The following KLHL1 variants were observed in gnomAD, a reference collection of about 807,000 sequenced individuals.
KLHL1 encodes kelch like family member 1, also known as kelch-like protein 1.
A neutral mutation model predicts 77.7 loss-of-function variants in KLHL1; 47 were observed. The ratio of observed to expected loss-of-function variants is 0.60; its 90% CI spans 0.48 to 0.77. The LOEUF is 0.77. Among genes scored for constraint, KLHL1 ranks in the 30% least tolerant of loss-of-function variants. The pLI, the probability that KLHL1 is intolerant of heterozygous loss-of-function variation, is 0.00. For missense variants in KLHL1, 925 were observed against 910.8 expected (o/e 1.02, Z -0.20); for synonymous variants, 360 against 325.2 (o/e 1.11, Z -1.15).
Position 69,740,487 on chromosome 13 carries a change from A to T in KLHL1, c.1709T>A (p.Val570Glu). The T allele has an allele frequency of 6.2e-7, 1 of 1,613,036 alleles. No homozygotes were observed. The highest frequency in any genetic ancestry group is 8.5e-7 in the Non-Finnish European group (1 of 1,179,262). Residue 570 changes from valine (V) to glutamate (E), a missense_variant, in exon 8 of 11, where the codon GTG becomes GAG. Transcript: ENST00000377844. Reference sequence around the variant, plus strand: ...TTGACTCTGTGGATCCCACCTTTCCACTGTATTCAGATAGCTCCAGCCATC... The same window carrying T: ...TTGACTCTGTGGATCCCACCTTTCCTCTGTATTCAGATAGCTCCAGCCATC... ...GHDGWSYLNTVERWDPQSQQW... is the reference protein window; with the variant it reads ...GHDGWSYLNTEERWDPQSQQW...
chr13:69,758,363 A>C (rs1197002424), intron 7 of KLHL1, among the ~76,000 whole-genome samples: 1 of 152,128 alleles, frequency 6.6e-6, no homozygotes, highest in Non-Finnish European at 1.5e-5. Flanking sequence ...TAAACCTTTT[A>C]TAAGTTCTTA....
At chr13:69,746,384 T>G (rs1379431890) in intron 7 of KLHL1, among the ~76,000 whole-genome samples, 1 of 151,956 alleles carries the variant, frequency 6.6e-6, no homozygotes, top group Non-Finnish European at 1.5e-5. Context: ...AATATTTCCT[T>G]TTATTTAGTA....
At chr13:69,763,657 C>G (rs1875127069) in intron 7 of KLHL1, among the ~76,000 whole-genome samples, 1 of 152,206 alleles carries the variant, frequency 6.6e-6, no homozygotes, top group African/African-American at 2.4e-5. Flanking sequence ...GTCACACTCT[C>G]ACCTAGGTGA....
At chr13:70,087,891 G>A (rs971292449) in intron 1 of KLHL1, among the ~76,000 whole-genome samples, 1 of 152,064 alleles carries the variant, frequency 6.6e-6, no homozygotes, top group Non-Finnish European at 1.5e-5. Context: ...GACAGAGAGG[G>A]GAACAACACA....
rs1877708487 is a variant in KLHL1, at chr13:69,808,268, C to G, written c.1415-11306G>C. Among the ~76,000 whole-genome samples the G allele has an allele frequency of 1.3e-5, 2 of 152,010 alleles. 1 individual carries two copies. Among genetic ancestry groups the G allele is most frequent in the South Asian group, 4.2e-4 (2 of 4,818 alleles). On this transcript the variant is annotated intron_variant, in intron 6 of 10. Transcript: ENST00000377844. ...CTGCCATGACTACAGGCAAACATAC[C>G]CTGAGGGAGGGTGCTTTTCTTCCTT...
At chr13:70,084,204 GTAAAT>G (rs1369918007) in intron 1 of KLHL1, among the ~76,000 whole-genome samples, 3 of 152,072 alleles carry the variant, frequency 2.0e-5, no homozygotes, top group Non-Finnish European at 4.4e-5. Flanking sequence ...TACACACACA[GTAAAT>G]TAATCTGTTG....
chr13:70,087,844 T>C (rs1424232329), intron 1 of KLHL1, among the ~76,000 whole-genome samples: 1 of 152,094 alleles, frequency 6.6e-6, no homozygotes, highest in Admixed American at 6.6e-5. Context: ...ACCTCCACCT[T>C]CTAGGAGGAA....
intron 1 of KLHL1, among the ~76,000 whole-genome samples, chr13:70,067,512 C>T (rs1360493010): frequency 6.6e-6 from 1 of 151,998 alleles, no homozygotes; most frequent in Admixed American, 6.6e-5. Context: ...AAGCATGATA[C>T]GCAGATGATC....
At position 70,103,965 on chromosome 13, in the gene KLHL1, T is replaced by C. The variant is rs1349568788; in HGVS notation, c.497+3238A>G. On this transcript the variant is annotated intron_variant, in intron 1 of 10. Transcript: ENST00000377844. ...AGTTTATGGATGGTAGCTAAAACCA[T>C]GGGATAAAATGACTGCACTCTGTAA... Among the ~76,000 whole-genome samples, 5 of 152,060 alleles carry C rather than the reference T, an allele frequency of 3.3e-5. No individual in the cohort carries two copies. In the East Asian group the frequency reaches 9.6e-4, roughly 29 times the overall value.
chr13:70,015,629 A>G (rs1226069886), intron 1 of KLHL1, among the ~76,000 whole-genome samples: 1 of 152,014 alleles, frequency 6.6e-6, no homozygotes, highest in Non-Finnish European at 1.5e-5. Context: ...TGAATATTTT[A>G]TTATAAAAAA....
chr13:70,096,504 T>C lies in KLHL1; in HGVS notation c.497+10699A>G, dbSNP rs927010381. On this transcript the variant is annotated intron_variant, in intron 1 of 10. Transcript: ENST00000377844. ...ACTTGTATGTCTTCTTTTGAAAATG[T>C]CTATTGATATCTTTGCCCATTTTAA... Among the ~76,000 whole-genome samples the C allele has an allele frequency of 2.0e-5, 3 of 152,184 alleles. No homozygotes were observed. The East Asian group carries it at 5.8e-4, about 29-fold the overall frequency.
chr13:69,959,557 T>TA (rs35521937), intron 3 of KLHL1, among the ~76,000 whole-genome samples: 42,166 of 144,754 alleles, frequency 0.29, 6,437 homozygotes, highest in East Asian at 0.42. Flanking sequence ...GACTACTCAT[T>TA]AAAAAAAAAA....
intron 6 of KLHL1, among the ~76,000 whole-genome samples, chr13:69,818,163 G>A (rs1878193661): frequency 6.7e-6 from 1 of 149,062 alleles, no homozygotes; most frequent in Non-Finnish European, 1.5e-5. Flanking sequence ...GAAGTCCCTT[G>A]TCCAAACACT....
chr13:69,955,182 A>C (rs1266567044), intron 3 of KLHL1, among the ~76,000 whole-genome samples: 2 of 151,508 alleles, frequency 1.3e-5, no homozygotes, highest in Admixed American at 6.6e-5. Context: ...ACTTCTAATT[A>C]CAATAAAAAT....
intron 6 of KLHL1, among the ~76,000 whole-genome samples, chr13:69,813,503 C>CACACACACACACATAT (rs34163072): frequency 3.2e-4 from 48 of 148,924 alleles, no homozygotes; most frequent in Middle Eastern, 3.4e-3. Flanking sequence ...CACACACACA[C>CACACACACACACATAT]ATATATATAT....
chr13:69,858,752 C>A (rs1880020930), intron 5 of KLHL1, among the ~76,000 whole-genome samples: 1 of 151,998 alleles, frequency 6.6e-6, no homozygotes. Context: ...ATGTGATAAA[C>A]ACTTTCAGCA....
At chr13:69,875,923 A>G (rs1880746022) in intron 5 of KLHL1, among the ~76,000 whole-genome samples, 1 of 152,086 alleles carries the variant, frequency 6.6e-6, no homozygotes, top group African/African-American at 2.4e-5. Context: ...GCCTGGTATA[A>G]TCATTAACTA....
intron 7 of KLHL1, among the ~76,000 whole-genome samples, chr13:69,768,999 A>G (rs1489353619): frequency 1.3e-5 from 2 of 152,230 alleles, no homozygotes; most frequent in Non-Finnish European, 2.9e-5. Context: ...AAAGTTAAAT[A>G]AAAATGAATA....
intron 4 of KLHL1, among the ~76,000 whole-genome samples, chr13:69,922,829 G>A (rs146628512): frequency 6.6e-6 from 1 of 151,940 alleles, no homozygotes; most frequent in African/African-American, 2.4e-5. Flanking sequence ...TAGTTAAAAA[G>A]GTCTATTCCT....
Sources: allele counts gnomAD v4.1 joint callset (sites outside exome capture counted in the v4.1 genomes callset), GRCh38; gene constraint gnomAD v4.1.1; transcripts MANE v1.5; gene names NCBI Gene and HGNC (gene_info 2026-07-23, HGNC 2026-07-21).